Variants in PGAP1 observed in about 807,000 individuals in gnomAD.
PGAP1 encodes the protein GPI inositol-deacylase.
In PGAP1, 76 loss-of-function variants were observed where a neutral mutation model predicts 127.0. That is an observed-to-expected ratio of 0.60 (90% CI 0.50 to 0.72). The LOEUF (loss-of-function observed/expected upper bound fraction) is 0.72, where lower values mean the gene tolerates loss of function less well. Ranked by LOEUF, PGAP1 falls within the 30% of genes least tolerant of loss-of-function variation. The pLI, the probability that PGAP1 is intolerant of heterozygous loss-of-function variation, is 0.00. For missense variants in PGAP1, 982 were observed against 1,071.3 expected, an observed-to-expected ratio of 0.92 and a Z score of 1.16; for synonymous variants, 362 against 366.5, an observed-to-expected ratio of 0.99 and a Z score of 0.14.
At chr2:196,864,390 CAAAAAAAAAAAA>C (rs752788293) in intron 20 of PGAP1, among the ~76,000 whole-genome samples, 1 of 32,398 alleles carries the variant, frequency 3.1e-5, no homozygotes, top group South Asian at 1.6e-3. Flanking sequence ...AACTACGTCT[CAAAAAAAAAAAA>C]AAAAAAAAAA....
At chr2:196,841,448 A>G (rs1214566419) in intron 26 of PGAP1, 76 bp from the exon 27 acceptor site, 1 of 1,061,908 alleles carries the variant, frequency 9.4e-7, no homozygotes, top group South Asian at 1.7e-5. Context: ...TCTTTTATAC[A>G]GTTTTGGAAA....
intron 17 of PGAP1, 106 bp from the exon 18 acceptor site, chr2:196,872,655 A>G: frequency 1.3e-6 from 1 of 769,404 alleles, no homozygotes; most frequent in African/African-American, 1.8e-5. Flanking sequence ...AGAGGAAGCT[A>G]GGTGCCAGAC....
intron 5 of PGAP1, among the ~76,000 whole-genome samples, chr2:196,899,526 T>G (rs1387911468): frequency 1.3e-5 from 2 of 152,246 alleles, no homozygotes; most frequent in African/African-American, 4.8e-5. Flanking sequence ...GAACTCTTAG[T>G]AGACAGCATT....
At chr2:196,894,117 C>T (rs1055990414) in intron 7 of PGAP1, among the ~76,000 whole-genome samples, 1 of 152,186 alleles carries the variant, frequency 6.6e-6, no homozygotes, top group African/African-American at 2.4e-5. Flanking sequence ...GAGCAAATAA[C>T]TGATTCCTTA....
chr2:196,843,892 G>A lies in PGAP1; in HGVS notation c.2521C>T (p.Leu841Phe). 6.6e-7 allele frequency: 1 copy of A among 1,512,328 alleles called. No individual in the cohort carries two copies. Among genetic ancestry groups the A allele is most frequent in the Non-Finnish European group, 8.9e-7 (1 of 1,118,940 alleles). 93.7% of individuals were successfully genotyped at this position (1,512,328 alleles called of 1,614,324 possible). Reference sequence around the variant, plus strand: ...AATTATATCAATAAAACGCACCTAAGATTCTTTAGCCAATAAATTAGAGAA... The same window carrying A: ...AATTATATCAATAAAACGCACCTAAAATTCTTTAGCCAATAAATTAGAGAA... The part of the protein sequence containing the change: ...MPSLIYWLKN[L>F]RYYFKLNPDP... Residue 841 changes from leucine to phenylalanine, a missense_variant, in exon 25 of 27, where the codon CTT becomes TTT. Coordinates refer to ENST00000354764, the MANE Select transcript of PGAP1 (RefSeq NM_024989.4).
At chr2:196,911,614 A>G (rs1253935881) in intron 4 of PGAP1, among the ~76,000 whole-genome samples, 8 of 140,616 alleles carry the variant, frequency 5.7e-5, no homozygotes, top group African/African-American at 2.3e-4. Context: ...AATAAAAAAA[A>G]AAAAAAAAAA....
Position 196,902,644 on chromosome 2 carries a change from G to C in PGAP1, c.748C>G (p.Arg250Gly). 1 of 1,613,608 alleles carries C rather than the reference G, an allele frequency of 6.2e-7. No individual in the cohort carries two copies. The highest frequency in any genetic ancestry group is 1.1e-5 in the South Asian group (1 of 91,014). Reference sequence around the variant, plus strand: ...TTTGGTAGAAAAGTCAATCCTGAACGAACTTGGTAATCCCGGAATCCTCCA... The same window carrying C: ...TTTGGTAGAAAAGTCAATCCTGAACCAACTTGGTAATCCCGGAATCCTCCA... ...VAGGFRDYQVRSGLTFLPKLS... is the reference protein window; with the variant it reads ...VAGGFRDYQVGSGLTFLPKLS... The change falls in exon 5 of 27, where the codon CGT becomes GGT. Residue 250 changes from arginine (R) to glycine (G), a missense_variant. Arg to Gly is a moderately radical substitution (Grantham distance 125). Coordinates refer to ENST00000354764, the MANE Select transcript of PGAP1 (RefSeq NM_024989.4).
At chr2:196,885,981 A>G (rs1375525360) in intron 10 of PGAP1, 101 bp from the exon 11 acceptor site, 1 of 650,486 alleles carries the variant, frequency 1.5e-6, no homozygotes, top group African/African-American at 1.9e-5. Flanking sequence ...TATATGATAT[A>G]GGGTGACTAG....
intron 20 of PGAP1, among the ~76,000 whole-genome samples, chr2:196,849,175 A>G (rs1438788616): frequency 1.3e-5 from 2 of 152,146 alleles, no homozygotes; most frequent in African/African-American, 2.4e-5. Flanking sequence ...TGAAACCAAG[A>G]AAAACGAGAC....
intron 4 of PGAP1, among the ~76,000 whole-genome samples, chr2:196,904,588 C>G (rs1296731347): frequency 6.6e-6 from 1 of 152,016 alleles, no homozygotes; most frequent in Non-Finnish European, 1.5e-5. Context: ...ATTAGCTGGG[C>G]GTGGTGGCAT....
intron 12 of PGAP1, among the ~76,000 whole-genome samples, chr2:196,882,069 C>T (rs1001153799): frequency 6.6e-6 from 1 of 152,196 alleles, no homozygotes; most frequent in African/African-American, 2.4e-5. Context: ...CTGCATAAGG[C>T]TAGGCAGTTA....
chr2:196,921,464 T>C (rs1703190191), intron 1 of PGAP1, among the ~76,000 whole-genome samples: 1 of 151,976 alleles, frequency 6.6e-6, no homozygotes, highest in African/African-American at 2.4e-5. Context: ...AAAATGAAAA[T>C]GATGTGATAG....
At chr2:196,921,684 CA>C (rs200825115) in intron 1 of PGAP1, among the ~76,000 whole-genome samples, 4 of 151,704 alleles carry the variant, frequency 2.6e-5, no homozygotes, top group Non-Finnish European at 5.9e-5. Context: ...GAAAAGCAAG[CA>C]AAAAATATTT....
At chr2:196,918,692 T>G (rs564030789) in intron 2 of PGAP1, among the ~76,000 whole-genome samples, 1 of 152,174 alleles carries the variant, frequency 6.6e-6, no homozygotes, top group Non-Finnish European at 1.5e-5. Context: ...ACATTAGGAC[T>G]GTGATTCTGT....
chr2:196,860,377 CA>C (rs1227669341), intron 20 of PGAP1, among the ~76,000 whole-genome samples: 1 of 151,734 alleles, frequency 6.6e-6, no homozygotes, highest in African/African-American at 2.4e-5. Context: ...ACTAGAAATA[CA>C]AAAAAATTAG....
chr2:196,880,672 C>T (rs1701701042), intron 12 of PGAP1, among the ~76,000 whole-genome samples: 2 of 151,978 alleles, frequency 1.3e-5, no homozygotes, highest in African/African-American at 4.8e-5. Context: ...CACATCATCC[C>T]CTGGAATTTA....
At chr2:196,902,020 T>C (rs1214383498) in intron 5 of PGAP1, among the ~76,000 whole-genome samples, 2 of 152,138 alleles carry the variant, frequency 1.3e-5, no homozygotes, top group Non-Finnish European at 2.9e-5. Flanking sequence ...TTGTACTTAC[T>C]TTTTTTTGTT....
At chr2:196,923,837 G>C (rs151019171) in intron 1 of PGAP1, among the ~76,000 whole-genome samples, 5 of 152,030 alleles carry the variant, frequency 3.3e-5, no homozygotes, top group Non-Finnish European at 5.9e-5. Flanking sequence ...GAGAGCAACC[G>C]TTAGGTTACA....
intron 1 of PGAP1, among the ~76,000 whole-genome samples, chr2:196,924,115 T>G (rs1161890240): frequency 6.6e-6 from 1 of 152,204 alleles, no homozygotes; most frequent in African/African-American, 2.4e-5. Flanking sequence ...AATTTTAAAT[T>G]CAAAACTTCA....
Sources: allele counts gnomAD v4.1 joint callset (sites outside exome capture counted in the v4.1 genomes callset), GRCh38; gene constraint gnomAD v4.1.1; transcripts MANE v1.5; gene names NCBI Gene and HGNC (gene_info 2026-07-23, HGNC 2026-07-21).